CABP1: variants seen among roughly 807,000 people sequenced by gnomAD.
CABP1 encodes calcium-binding protein 1.
CABP1 carries 17 observed loss-of-function variants against 34.3 expected under a neutral mutation model. The ratio of observed to expected loss-of-function variants is 0.50; its 90% CI spans 0.34 to 0.74. CABP1 has a LOEUF of 0.74. Among genes scored for constraint, CABP1 ranks in the 30% least tolerant of loss-of-function variants. The probability of loss-of-function intolerance (pLI) is 0.01; values close to 1 mark genes in which losing one functional copy is unlikely to be tolerated. For synonymous variants in CABP1, 198 were observed against 229.2 expected, an observed-to-expected ratio of 0.86 and a Z score of 1.23; for missense variants, 373 against 511.1, an observed-to-expected ratio of 0.73 and a Z score of 2.61.
chr12:120,645,505 C>G (rs148342943), intron 1 of CABP1, among the ~76,000 whole-genome samples: 1 of 152,110 alleles, frequency 6.6e-6, no homozygotes, highest in African/African-American at 2.4e-5. Flanking sequence ...ATCATCAACT[C>G]CCCCCAACCC....
In CABP1 at chr12:120,666,176, C is replaced by T. The variant is rs151006068; in HGVS notation, c.1088-699C>T. On this transcript the variant is annotated intron_variant, in intron 5 of 5. Coordinates refer to ENST00000316803, the MANE Select transcript of CABP1 (RefSeq NM_001033677.2). ...TCATGCCACTGCACTTCAGCGTGGG[C>T]GACAGAGGGAGACTCTGTCTCTACA... is the stretch of plus-strand genomic sequence containing the variant. 9.5e-3 allele frequency among the ~76,000 whole-genome samples: 1,209 copies of T among 127,780 alleles called. 11 individuals carry two copies. Among genetic ancestry groups the T allele is most frequent in the Admixed American group, 0.017 (191 of 11,068 alleles). The allele number at this position is 127,780 out of a possible 152,430, so 83.8% of individuals were successfully genotyped here. A position where few individuals can be genotyped will look rare whatever the true frequency, so the allele number is the denominator to read the frequency against.
At chr12:120,670,010 T>C (rs2137385088), downstream of CABP1, among the ~76,000 whole-genome samples, 1 of 152,300 alleles carries the variant, frequency 6.6e-6, no homozygotes, top group East Asian at 1.9e-4. Flanking sequence ...TTTCTTTCTT[T>C]CTTTGTTTTA....
At chr12:120,672,725 AAAC>A in the CABP1 span, among the ~76,000 whole-genome samples, 12 of 151,306 alleles carry the variant, frequency 7.9e-5, no homozygotes, top group African/African-American at 2.4e-4. Context: ...AAAAAAAAAA[AAAC>A]CACAAAGAAA....
intron 1 of CABP1, chr12:120,659,426 C>A: frequency 6.3e-6 from 1 of 157,546 alleles, no homozygotes; most frequent in South Asian, 1.9e-4. Context: ...TGTGACCTCC[C>A]TGGACTCTGT....
In CABP1 at chr12:120,640,754, G is replaced by T; in HGVS notation, c.69G>T (p.Gly23=). The T allele has an allele frequency of 8.5e-7, 1 of 1,172,018 alleles. No individual in the cohort carries two copies. The highest frequency in any genetic ancestry group is 1.1e-6 in the Non-Finnish European group (1 of 949,998). 72.6% of individuals were successfully genotyped at this position (1,172,018 alleles called of 1,614,324 possible). The change falls in exon 1 of 6, where the codon GGG becomes GGT. Residue 23 remains glycine (G), a synonymous_variant. Transcript: ENST00000316803. The surrounding 1 kb of genome is among the most constrained non-coding windows in gnomAD (Gnocchi z 6.2). ...GCGCCCGCCTCCAGCGCGTCCTCGGGCTTGGCTCCCGCCGGGAGCCCCGTT... is the reference window on the plus strand; with the variant it reads ...GCGCCCGCCTCCAGCGCGTCCTCGGTCTTGGCTCCCGCCGGGAGCCCCGTT... ...GDGARLQRVL[G]LGSRREPRSL... is the part of the protein sequence containing the mutation.
At chr12:120,643,733 G>C (rs1476113825) in intron 1 of CABP1, among the ~76,000 whole-genome samples, 1 of 152,236 alleles carries the variant, frequency 6.6e-6, no homozygotes, top group Non-Finnish European at 1.5e-5. Flanking sequence ...GCTTGGCCAA[G>C]TCTATTTCTT....
chr12:120,653,772 A>T (rs990670251), intron 1 of CABP1, among the ~76,000 whole-genome samples: 1 of 152,156 alleles, frequency 6.6e-6, no homozygotes, highest in South Asian at 2.1e-4. Context: ...ACTTCAGGTC[A>T]TCCACCCGCC....
rs1443900246 is a variant in CABP1, at chr12:120,660,572, T to C, written c.830-159T>C. Among the ~76,000 whole-genome samples the C allele has an allele frequency of 6.6e-6, 1 of 152,210 alleles. No individual in the cohort carries two copies. The highest frequency in any genetic ancestry group is 1.5e-5 in the Non-Finnish European group (1 of 68,032). On this transcript the variant is annotated intron_variant, in intron 3 of 5. Coordinates refer to ENST00000316803, the MANE Select transcript of CABP1 (RefSeq NM_001033677.2). The surrounding 1 kb of genome is among the most constrained non-coding windows in gnomAD (Gnocchi z 5.0). ...AATATCTGTAAAACAGCCCAATAAC[T>C]GGCTCACAGGAAGAACTGAACAGAG...
rs138371963 is a variant in CABP1, at chr12:120,646,082, T to C, written c.654+4743T>C. On this transcript the variant is annotated intron_variant, in intron 1 of 5. Coordinates refer to ENST00000316803, the MANE Select transcript of CABP1 (RefSeq NM_001033677.2). ...TAAGTAAATAAGTAGGTGGCAGGACTGTGCTGAGAATTGTGGTCTGCCTGC... is the reference window on the plus strand; with the variant it reads ...TAAGTAAATAAGTAGGTGGCAGGACCGTGCTGAGAATTGTGGTCTGCCTGC... Among the ~76,000 whole-genome samples the C allele has an allele frequency of 1.5e-3, 222 of 152,288 alleles. 1 individual carries two copies. The East Asian group carries it at 0.022, about 15-fold the overall frequency.
chr12:120,654,424 A>C (rs569629824), intron 1 of CABP1, among the ~76,000 whole-genome samples: 61 of 152,304 alleles, frequency 4.0e-4, no homozygotes, highest in Middle Eastern at 3.4e-3. Context: ...CTGGAAGGAC[A>C]GGCTGCCCCT....
intron 1 of CABP1, chr12:120,655,349 C>T (rs1376557017): frequency 1.2e-5 from 2 of 165,068 alleles, no homozygotes; most frequent in African/African-American, 4.8e-5. Flanking sequence ...AGGAGAATCA[C>T]TTGAATCCGG....
chr12:120,673,203 T>C, the CABP1 span, among the ~76,000 whole-genome samples: 1 of 152,000 alleles, frequency 6.6e-6, no homozygotes, highest in Admixed American at 6.6e-5. Context: ...ACAAGTAAGG[T>C]GATTACAAGA....
chr12:120,678,227 C>T, the CABP1 span, among the ~76,000 whole-genome samples: 3 of 152,196 alleles, frequency 2.0e-5, no homozygotes, highest in Non-Finnish European at 2.9e-5. Flanking sequence ...ATCCCATAAA[C>T]TTAAAAATAG....
chr12:120,645,734 CATGAGAATTGCTT>C (rs1879514386), intron 1 of CABP1, among the ~76,000 whole-genome samples: 1 of 152,132 alleles, frequency 6.6e-6, no homozygotes, highest in South Asian at 2.1e-4. Context: ...GAGGCTGAGG[CATGAGAATTGCTT>C]GAACCCAGGA....
In CABP1 at chr12:120,667,028, C is replaced by T. The variant is rs1881039494; in HGVS notation, c.*128C>T. 5.2e-6 allele frequency: 6 copies of T among 1,163,120 alleles called. No homozygotes were observed. Among genetic ancestry groups the T allele is most frequent in the Non-Finnish European group, 6.2e-6 (5 of 812,710 alleles). The allele number at this position is 1,163,120 out of a possible 1,614,324, so 72.0% of individuals were successfully genotyped here. A position where few individuals can be genotyped will look rare whatever the true frequency, so the allele number is the denominator to read the frequency against. ...TGGCGGATGGGGCCTGCCTGCACCC[C>T]GGGGAGGCGCCCACCCCGGACCCCC... On this transcript the variant is annotated 3_prime_UTR_variant, in exon 6 of 6. Transcript: ENST00000316803.
intron 1 of CABP1, among the ~76,000 whole-genome samples, chr12:120,656,867 C>A (rs1880260956): frequency 6.6e-6 from 1 of 152,112 alleles, no homozygotes; most frequent in Non-Finnish European, 1.5e-5. Context: ...GGCACTCCAG[C>A]CTGGGTGACA....
the CABP1 span, among the ~76,000 whole-genome samples, chr12:120,677,783 C>A: frequency 6.6e-6 from 1 of 152,152 alleles, no homozygotes; most frequent in Admixed American, 6.6e-5. Flanking sequence ...GATGAGGAAA[C>A]CAAGGTGCAG....
intron 1 of CABP1, chr12:120,650,303 C>T (rs1021265975): frequency 5.3e-6 from 2 of 378,154 alleles, no homozygotes; most frequent in South Asian, 7.7e-5. Flanking sequence ...CCTTCTCCAG[C>T]TTGGTTCCCC....
Position 120,641,505 on chromosome 12 carries a change from C to A in CABP1, c.654+166C>A. 2 of 685,126 alleles carry A rather than the reference C, an allele frequency of 2.9e-6. No individual in the cohort carries two copies. The highest frequency in any genetic ancestry group is 4.1e-6 in the Non-Finnish European group (2 of 489,510). The allele number at this position is 685,126 out of a possible 1,614,324, so 42.4% of individuals were successfully genotyped here. ...GGCGCCCTTGCCGGCACTCCTCCTC[C>A]CCGTGCCTGATTCAGCACCCCGTGC... is the stretch of plus-strand genomic sequence containing the variant. On this transcript the variant is annotated intron_variant, in intron 1 of 5. Coordinates refer to ENST00000316803, the MANE Select transcript of CABP1 (RefSeq NM_001033677.2). The surrounding 1 kb of genome is among the most constrained non-coding windows in gnomAD (Gnocchi z 6.7).
Sources: allele counts gnomAD v4.1 joint callset (sites outside exome capture counted in the v4.1 genomes callset), GRCh38; gene constraint gnomAD v4.1.1; non-coding constraint Gnocchi (gnomAD v3.1); transcripts MANE v1.5; gene names NCBI Gene and HGNC (gene_info 2026-07-23, HGNC 2026-07-21).